Variants in GAL3ST1 observed in about 807,000 individuals in gnomAD.
GAL3ST1 encodes galactosylceramide sulfotransferase.
GAL3ST1 carries 13 observed loss-of-function variants against 25.0 expected under a neutral mutation model. The observed-to-expected ratio is 0.52, with a 90% confidence interval of 0.34 to 0.83. The LOEUF is 0.83. GAL3ST1 is among the 40% of genes least tolerant of loss of function. The pLI is 0.02. For synonymous variants in GAL3ST1, 274 were observed against 277.8 expected, an observed-to-expected ratio of 0.99 and a Z score of 0.14; for missense variants, 474 against 613.6, an observed-to-expected ratio of 0.77 and a Z score of 2.40.
At position 30,556,090 on chromosome 22, in the gene GAL3ST1, G is replaced by C. The variant is rs2086007118; in HGVS notation, c.135C>G (p.Thr45=). The C allele has an allele frequency of 1.2e-6, 2 of 1,600,886 alleles. No homozygotes were observed. The highest frequency in any genetic ancestry group is 8.5e-7 in the Non-Finnish European group (1 of 1,176,344). ...PPLHAGLAST[T]PEAAASCSPP... is the part of the protein sequence containing the mutation. ...GAGAGCAGGACGCTGCGGCCTCCGG[G>C]GTCCTGCTGGGGACAGAGAGGTGGG... Residue 45 remains threonine, a synonymous_variant, in exon 4 of 4, where the codon ACC becomes ACG. Coordinates refer to ENST00000406361, the MANE Select transcript of GAL3ST1 (RefSeq NM_001318104.2).
At chr22:30,566,880 A>T (rs1202673375) in intron 1 of GAL3ST1, among the ~76,000 whole-genome samples, 5 of 152,148 alleles carry the variant, frequency 3.3e-5, no homozygotes, top group Non-Finnish European at 7.3e-5. Context: ...AAGTGCTGGG[A>T]TTACAGGCGT....
At chr22:30,570,026 A>G (rs974357998) in intron 1 of GAL3ST1, among the ~76,000 whole-genome samples, 4 of 152,042 alleles carry the variant, frequency 2.6e-5, no homozygotes, top group Non-Finnish European at 5.9e-5. Context: ...AAGGTTACAG[A>G]GAGGTATGAA....
chr22:30,555,006 T>A lies in GAL3ST1; in HGVS notation c.1219A>T (p.Asn407Tyr). 6.3e-7 allele frequency: 1 copy of A among 1,597,214 alleles called. No homozygotes were observed. The highest frequency in any genetic ancestry group is 8.6e-7 in the Non-Finnish European group (1 of 1,167,674). ...TTCCAGAGCTTGGTGACCCACAGGT[T>A]GGCGCCGAGGTCCATCAGGTACTGG... is the stretch of plus-strand genomic sequence containing the variant. ...EIQYLMDLGA[N>Y]LWVTKLWKFI... Residue 407 changes from asparagine to tyrosine, a missense_variant, in exon 4 of 4, where the codon AAC becomes TAC. Around this residue, in one of 2 missense-constraint regions of GAL3ST1, gnomAD observed 359 missense variants for 504.4 expected, o/e 0.71. Transcript: ENST00000406361. The surrounding 1 kb of genome is among the most constrained non-coding windows in gnomAD (Gnocchi z 8.6).
chr22:30,565,611 G>A (rs1405145201), intron 1 of GAL3ST1, among the ~76,000 whole-genome samples: 3 of 152,176 alleles, frequency 2.0e-5, no homozygotes, highest in African/African-American at 7.2e-5. Flanking sequence ...ATCAGAGAGG[G>A]TGTCCTGCCT....
chr22:30,571,501 G>C (rs758313072), intron 1 of GAL3ST1, among the ~76,000 whole-genome samples: 5 of 152,158 alleles, frequency 3.3e-5, no homozygotes, highest in African/African-American at 7.2e-5. Context: ...AGTTGAGAGA[G>C]GGTAATGTTC....
intron 1 of GAL3ST1, among the ~76,000 whole-genome samples, chr22:30,563,053 T>C (rs940795120): frequency 1.3e-5 from 2 of 151,742 alleles, no homozygotes; most frequent in African/African-American, 4.8e-5. Context: ...GAGACAGAGG[T>C]TGCAGTGAGC....
At chr22:30,568,794 G>A (rs1196231875) in intron 1 of GAL3ST1, among the ~76,000 whole-genome samples, 2 of 152,158 alleles carry the variant, frequency 1.3e-5, no homozygotes, top group South Asian at 2.1e-4. Context: ...GACATGCAGA[G>A]GCCTGGCGCA....
intron 1 of GAL3ST1, among the ~76,000 whole-genome samples, chr22:30,568,380 G>A (rs1457986232): frequency 6.6e-6 from 1 of 152,214 alleles, no homozygotes; most frequent in Admixed American, 6.5e-5. Context: ...TATGTGAACA[G>A]AATGCCAGCT....
intron 1 of GAL3ST1, among the ~76,000 whole-genome samples, chr22:30,568,375 G>C (rs1405218804): frequency 6.6e-6 from 1 of 152,180 alleles, no homozygotes; most frequent in East Asian, 1.9e-4. Context: ...AATGATATGT[G>C]AACAGAATGC....
At chr22:30,567,508 G>A (rs970773478) in intron 1 of GAL3ST1, among the ~76,000 whole-genome samples, 2 of 151,976 alleles carry the variant, frequency 1.3e-5, no homozygotes, top group Non-Finnish European at 2.9e-5. Flanking sequence ...TGAACTCCTG[G>A]GCTCAAGTGG....
intron 1 of GAL3ST1, among the ~76,000 whole-genome samples, chr22:30,569,508 G>T (rs904779646): frequency 6.6e-6 from 1 of 151,888 alleles, no homozygotes. Context: ...GTGGTGTCTG[G>T]TTCTGTTTAG....
At chr22:30,562,218 C>G (rs965563225) in intron 1 of GAL3ST1, among the ~76,000 whole-genome samples, 1 of 152,080 alleles carries the variant, frequency 6.6e-6, no homozygotes, top group Non-Finnish European at 1.5e-5. Flanking sequence ...TGCCTGGCTA[C>G]TTTTTAAAAA....
At chr22:30,560,491 C>T (rs1361976046) in intron 1 of GAL3ST1, 1 of 152,188 alleles carries the variant, frequency 6.6e-6, no homozygotes, top group East Asian at 1.9e-4. Flanking sequence ...GGGGGGCCTG[C>T]CTTCAACCCC....
chr22:30,554,976 T>G lies in GAL3ST1; in HGVS notation c.1249A>C (p.Ile417Leu), dbSNP rs755659182. Residue 417 changes from isoleucine to leucine, a missense_variant, in exon 4 of 4, where the codon ATT becomes CTT. Ile to Leu is a conservative substitution (Grantham distance 5). Around this residue, in one of 2 missense-constraint regions of GAL3ST1, gnomAD observed 359 missense variants for 504.4 expected, o/e 0.71. Coordinates refer to ENST00000406361, the MANE Select transcript of GAL3ST1 (RefSeq NM_001318104.2). ...NLWVTKLWKF[I>L]RDFLRW ...CGTCACCACCGCAGGAAATCGCGAA[T>G]GAACTTCCAGAGCTTGGTGACCCAC... 4 of 1,582,356 alleles carry G rather than the reference T, an allele frequency of 2.5e-6. No individual in the cohort carries two copies. The highest frequency in any genetic ancestry group is 3.5e-6 in the Non-Finnish European group (4 of 1,158,936).
At position 30,569,119 on chromosome 22, in the gene GAL3ST1, G is replaced by A. The variant is rs990636783; in HGVS notation, c.-120+5347C>T. ...AAAGAGGGACATGCAGGGCTTTCAG[G>A]AAGCATGCTACTGAGTCTCACCTAG... is the stretch of plus-strand genomic sequence containing the variant. On this transcript the variant is annotated intron_variant, in intron 1 of 3. Transcript: ENST00000406361. 1.8e-4 allele frequency among the ~76,000 whole-genome samples: 27 copies of A among 151,372 alleles called. No homozygotes were observed. In the East Asian group the frequency reaches 5.0e-3, roughly 28 times the overall value.
chr22:30,560,356 C>T (rs1347734313), intron 1 of GAL3ST1: 1 of 152,122 alleles, frequency 6.6e-6, no homozygotes, highest in Non-Finnish European at 1.5e-5. Flanking sequence ...CATGGAGTCT[C>T]AGTTTTTCAT....
chr22:30,561,429 C>G (rs957383781), intron 1 of GAL3ST1, among the ~76,000 whole-genome samples: 1 of 152,158 alleles, frequency 6.6e-6, no homozygotes, highest in African/African-American at 2.4e-5. Flanking sequence ...CAGTGGATAC[C>G]ACTCCACCCC....
chr22:30,564,670 AAGGAGAAACAGGACTT>A (rs369662172), intron 1 of GAL3ST1, among the ~76,000 whole-genome samples: 1,883 of 152,324 alleles, frequency 0.012, 17 homozygotes, highest in Non-Finnish European at 0.017. Flanking sequence ...CCAGGGAATG[AAGGAGAAACAGGACTT>A]ATTCCCCCAC....
chr22:30,557,348 C>T lies in GAL3ST1; in HGVS notation c.45G>A (p.Gly15=), dbSNP rs1214551205. 3 of 1,614,082 alleles carry T rather than the reference C, an allele frequency of 1.9e-6. No individual in the cohort carries two copies. Among genetic ancestry groups the T allele is most frequent in the Admixed American group, 1.7e-5 (1 of 60,006 alleles). The change falls in exon 3 of 4, where the codon GGG becomes GGA. Residue 15 remains glycine (G), a synonymous_variant. Coordinates refer to ENST00000406361, the MANE Select transcript of GAL3ST1 (RefSeq NM_001318104.2). The stretch of plus-strand genomic sequence containing the variant: ...TAGTGAAGAGCGCGCCCAGCACCAG[C>T]CCCTTAGCCATGGACTCCCAGGGCT... ...QKKPWESMAK[G]LVLGALFTSF... is the part of the protein sequence containing the mutation.
Sources: gnomAD v4.1 joint callset for allele counts (sites outside exome capture counted in the v4.1 genomes callset) on GRCh38, gnomAD v4.1.1 for gene constraint, gnomAD v4.1.1 regional missense constraint, Gnocchi (gnomAD v3.1) non-coding constraint, MANE v1.5 for transcripts, NCBI Gene and HGNC (gene_info 2026-07-23, HGNC 2026-07-21) for gene names.